The following TMEM72 variants were observed in gnomAD, a reference collection of about 807,000 sequenced individuals.
The protein encoded by TMEM72 is kidney-specific secretory protein of 37 kDa.
A neutral mutation model predicts 16.3 loss-of-function variants in TMEM72; 9 were observed. That is an observed-to-expected ratio of 0.55 (90% CI 0.33 to 0.96). The LOEUF (loss-of-function observed/expected upper bound fraction) is 0.96. Among genes scored for constraint, TMEM72 ranks in the 40% least tolerant of loss-of-function variants. The pLI is 0.03. For missense variants in TMEM72, 324 were observed against 337.8 expected, an observed-to-expected ratio of 0.96 and a Z score of 0.32; for synonymous variants, 160 against 146.5, an observed-to-expected ratio of 1.09 and a Z score of -0.66.
intron 3 of TMEM72, among the ~76,000 whole-genome samples, chr10:44,932,682 G>A (rs1231603318): frequency 6.6e-6 from 1 of 152,228 alleles, no homozygotes; most frequent in Non-Finnish European, 1.5e-5. Flanking sequence ...AGATCCAGAT[G>A]TCCCAGCACC....
At chr10:44,922,398 G>GA (rs1302421514) in intron 1 of TMEM72, among the ~76,000 whole-genome samples, 19 of 151,992 alleles carry the variant, frequency 1.3e-4, no homozygotes, top group Admixed American at 9.8e-4. Context: ...CAGTCCCCTG[G>GA]AAAAAAAACT....
intron 3 of TMEM72, 68 bp from the exon 4 acceptor site, chr10:44,933,569 C>T: frequency 6.4e-7 from 1 of 1,558,116 alleles, no homozygotes; most frequent in Non-Finnish European, 8.7e-7. Context: ...GGCCCAGACT[C>T]CATGGCATCC....
intron 2 of TMEM72, among the ~76,000 whole-genome samples, chr10:44,931,250 C>T (rs749014485): frequency 6.6e-6 from 1 of 152,202 alleles, no homozygotes; most frequent in Non-Finnish European, 1.5e-5. Context: ...TGAGACCCTC[C>T]GTAAGTACAT....
In TMEM72 at chr10:44,927,901, C is replaced by T; in HGVS notation, c.71-20C>T. 1 of 1,613,608 alleles carries T rather than the reference C, an allele frequency of 6.2e-7. No homozygotes were observed. Among genetic ancestry groups the T allele is most frequent in the South Asian group, 1.1e-5 (1 of 91,042 alleles). The stretch of plus-strand genomic sequence containing the variant: ...GTGTAGAGCACCAGGCCCACTCTTC[C>T]TTCTTCTCTTGCCCCTTAGTGTTGA... On this transcript the variant is annotated intron_variant, in intron 1 of 4. Transcript: ENST00000389583.
chr10:44,922,661 A>G (rs540917114), intron 1 of TMEM72, among the ~76,000 whole-genome samples: 19 of 152,314 alleles, frequency 1.2e-4, no homozygotes, highest in African/African-American at 4.6e-4. Flanking sequence ...GCAAAATGCA[A>G]CTGTGGGAGG....
At chr10:44,926,164 T>C (rs1265056108) in intron 1 of TMEM72, among the ~76,000 whole-genome samples, 1 of 150,744 alleles carries the variant, frequency 6.6e-6, no homozygotes, top group Non-Finnish European at 1.5e-5. Context: ...CATATACACA[T>C]ACACTCACAC....
chr10:44,926,052 CATAT>C (rs1840184341), intron 1 of TMEM72, among the ~76,000 whole-genome samples: 1 of 151,852 alleles, frequency 6.6e-6, no homozygotes, highest in African/African-American at 2.4e-5. Context: ...CACACATCCA[CATAT>C]ATAATCACAC....
Position 44,934,699 on chromosome 10 carries a change from C to T in TMEM72, c.393C>T (p.Ser131=), listed in dbSNP as rs1401606812. 6.2e-7 allele frequency: 1 copy of T among 1,606,694 alleles called. No homozygotes were observed. Among genetic ancestry groups the T allele is most frequent in the Non-Finnish European group, 8.5e-7 (1 of 1,177,224 alleles). ...CCGGCCTGGCCTACTTCCTTCTGAG[C>T]AAGCGGAAGAAGAGGAAAGCTGCCC... ...IITGLAYFLL[S]KRKKRKAAPE... The change falls in exon 5 of 5, where the codon AGC becomes AGT. Residue 131 remains serine, a synonymous_variant. Coordinates refer to ENST00000389583, the MANE Select transcript of TMEM72 (RefSeq NM_001123376.3).
chr10:44,912,898 C>T (rs1169086023), intron 1 of TMEM72, among the ~76,000 whole-genome samples: 2 of 152,268 alleles, frequency 1.3e-5, no homozygotes, highest in East Asian at 1.9e-4. Flanking sequence ...GGATGGGGCA[C>T]CTGAGCTCAA....
chr10:44,929,953 A>T (rs1366135002), intron 2 of TMEM72, among the ~76,000 whole-genome samples: 1 of 152,192 alleles, frequency 6.6e-6, no homozygotes, highest in African/African-American at 2.4e-5. Flanking sequence ...TGTCTAACTG[A>T]CCATGTCCCT....
intron 1 of TMEM72, among the ~76,000 whole-genome samples, chr10:44,917,217 G>A (rs548426138): frequency 1.4e-4 from 22 of 152,298 alleles, no homozygotes; most frequent in Non-Finnish European, 2.9e-4. Flanking sequence ...ACCCTCTGGA[G>A]TTGTGAGGGC....
At chr10:44,922,995 G>A (rs560530245) in intron 1 of TMEM72, 7 of 152,336 alleles carry the variant, frequency 4.6e-5, no homozygotes, top group African/African-American at 7.2e-5. Flanking sequence ...ACTCTAAAAC[G>A]TAGTGATGTA....
chr10:44,931,392 C>T (rs1830212140), intron 2 of TMEM72, among the ~76,000 whole-genome samples: 1 of 152,186 alleles, frequency 6.6e-6, no homozygotes, highest in South Asian at 2.1e-4. Context: ...TTGAGGCATC[C>T]TGTATCAGGA....
chr10:44,925,287 G>C (rs558247963), intron 1 of TMEM72, among the ~76,000 whole-genome samples: 9 of 152,280 alleles, frequency 5.9e-5, no homozygotes, highest in Admixed American at 3.9e-4. Context: ...AAAACAAAAG[G>C]CATCAAAATA....
At chr10:44,934,562 C>T (rs574726117) in intron 4 of TMEM72, 94 bp from the exon 5 acceptor site, 19 of 1,285,532 alleles carry the variant, frequency 1.5e-5, no homozygotes, top group East Asian at 2.4e-5. Flanking sequence ...CACACAGCGC[C>T]GGGTTGCAGG....
At position 44,933,748 on chromosome 10, in the gene TMEM72, G is replaced by A. The variant is rs542230870; in HGVS notation, c.321G>A (p.Pro107=). 4.1e-4 allele frequency: 655 copies of A among 1,614,004 alleles called. 8 individuals are homozygous for A. The South Asian group carries it at 6.1e-3, about 15-fold the overall frequency. The change falls in exon 4 of 5, where the codon CCG becomes CCA. Residue 107 remains proline (P), a synonymous_variant. Coordinates refer to ENST00000389583, the MANE Select transcript of TMEM72 (RefSeq NM_001123376.3). The part of the protein sequence containing the change: ...LLLSVACFLH[P]VLVWHVTIPG... ...TGTCGGTGGCCTGCTTCCTCCACCC[G>A]GTCCTGGTCTGGCACGTGACCATCC...
Position 44,931,344 on chromosome 10 carries a change from G to T in TMEM72, c.138-654G>T, listed in dbSNP as rs114017450. The stretch of plus-strand genomic sequence containing the variant: ...ACACATTCCTCAGGAGATGCTGATT[G>T]CAGGATCCATGGACCACACTGGGAG... On this transcript the variant is annotated intron_variant, in intron 2 of 4. Transcript: ENST00000389583. Among the ~76,000 whole-genome samples, 704 of 152,358 alleles carry T rather than the reference G, an allele frequency of 4.6e-3. 3 individuals are homozygous for T. The highest frequency in any genetic ancestry group is 0.016 in the African/African-American group (656 of 41,586).
At chr10:44,923,376 T>C (rs1161707504) in intron 1 of TMEM72, 2 of 151,846 alleles carry the variant, frequency 1.3e-5, no homozygotes, top group African/African-American at 4.8e-5. Context: ...TCACTCTCAT[T>C]TCTCCCTCTC....
At chr10:44,932,749 C>T (rs1025425357) in intron 3 of TMEM72, among the ~76,000 whole-genome samples, 1 of 152,220 alleles carries the variant, frequency 6.6e-6, no homozygotes, top group Admixed American at 6.5e-5. Context: ...AAAGCTTTCC[C>T]CTTTCTGCTG....
Sources: allele counts gnomAD v4.1 joint callset (sites outside exome capture counted in the v4.1 genomes callset), GRCh38; gene constraint gnomAD v4.1.1; transcripts MANE v1.5; gene names NCBI Gene and HGNC (gene_info 2026-07-23, HGNC 2026-07-21).